FOXP1: variants seen among roughly 807,000 people sequenced by gnomAD.
FOXP1 encodes the protein forkhead box P1, also known as forkhead box protein P1.
A neutral mutation model predicts 98.2 loss-of-function variants in FOXP1; 15 were observed. The observed-to-expected ratio is 0.15, with a 90% confidence interval of 0.10 to 0.24. FOXP1 has a LOEUF of 0.24. Among genes scored for constraint, FOXP1 ranks in the 10% least tolerant of loss-of-function variants. The probability of loss-of-function intolerance (pLI) is 1.00; values close to 1 mark genes in which losing one functional copy is unlikely to be tolerated. For missense variants in FOXP1, 633 were observed against 848.5 expected, an observed-to-expected ratio of 0.75 and a Z score of 3.15; for synonymous variants, 371 against 314.5, an observed-to-expected ratio of 1.18 and a Z score of -1.90.
At chr3:71,048,749 C>A (rs1180770052) in intron 9 of FOXP1, among the ~76,000 whole-genome samples, 1 of 134,778 alleles carries the variant, frequency 7.4e-6, no homozygotes. Context: ...GAGAAAAAAA[C>A]AACATTGACA....
intron 11 of FOXP1, among the ~76,000 whole-genome samples, chr3:71,016,577 C>T (rs536630818): frequency 4.6e-5 from 7 of 151,772 alleles, no homozygotes; most frequent in African/African-American, 9.7e-5. Context: ...ATTCCCTTCC[C>T]GGGAAGGGCT....
chr3:70,970,902 GAGCAATTTCCCCCACT>G, intron 18 of FOXP1, 97 bp from the exon 19 acceptor site: 1 of 923,438 alleles, frequency 1.1e-6, no homozygotes. Flanking sequence ...CCTTCCAAAT[GAGCAATTTCCCCCACT>G]AGCAAAACCC....
intron 2 of FOXP1, among the ~76,000 whole-genome samples, chr3:71,506,589 G>A (rs528184860): frequency 4.6e-5 from 7 of 151,982 alleles, no homozygotes; most frequent in Admixed American, 1.3e-4. Context: ...ACTTAGGCTC[G>A]CTGCTAGCTC....
intron 4 of FOXP1, among the ~76,000 whole-genome samples, chr3:71,324,900 G>A (rs1180845095): frequency 6.6e-6 from 1 of 152,192 alleles, no homozygotes; most frequent in African/African-American, 2.4e-5. Flanking sequence ...GCCCAGAGGA[G>A]AAAGGCAAGC....
At position 71,396,984 on chromosome 3, in the gene FOXP1, G is replaced by GTGTA. The variant is rs1476663951; in HGVS notation, c.-167-37741_-167-37740insTACA. Among the ~76,000 whole-genome samples the GTGTA allele has an allele frequency of 8.5e-3, 174 of 20,574 alleles. 15 individuals are homozygous for GTGTA. The highest frequency in any genetic ancestry group is 0.013 in the Non-Finnish European group (107 of 7,998). 13.5% of individuals were successfully genotyped at this position (20,574 alleles called of 152,430 possible). A position where few individuals can be genotyped will look rare whatever the true frequency, so the allele number is the denominator to read the frequency against. On this transcript the variant is annotated intron_variant, in intron 3 of 20. Transcript: ENST00000649528. ...TATATGTGTGTATATATATATATGT[G>GTGTA]TATATATATACACATATATATGTGT...
At chr3:71,434,631 G>GTT (rs376887775) in intron 3 of FOXP1, among the ~76,000 whole-genome samples, 7 of 142,342 alleles carry the variant, frequency 4.9e-5, no homozygotes, top group African/African-American at 1.8e-4. Context: ...GAGGGGATGG[G>GTT]GTGTGTGTGT....
chr3:70,971,948 G>C, intron 18 of FOXP1: 1 of 1,291,364 alleles, frequency 7.7e-7, no homozygotes, highest in Non-Finnish European at 1.0e-6. Context: ...CATGGGATGA[G>C]TCAACCATGC....
chr3:71,494,751 G>T (rs1281316793), intron 2 of FOXP1, among the ~76,000 whole-genome samples: 1 of 152,064 alleles, frequency 6.6e-6, no homozygotes, highest in East Asian at 1.9e-4. Flanking sequence ...CTGAGATTCT[G>T]CATTTCTAGA....
At chr3:71,140,478 G>T (rs2060015424) in intron 6 of FOXP1, among the ~76,000 whole-genome samples, 1 of 152,218 alleles carries the variant, frequency 6.6e-6, no homozygotes, top group Admixed American at 6.5e-5. Flanking sequence ...CAAAAGCTCT[G>T]TTGTTAAGAT....
Position 70,961,405 on chromosome 3 carries a change from A to G in FOXP1, c.1890-2014T>C, listed in dbSNP as rs145891495. Among the ~76,000 whole-genome samples the G allele has an allele frequency of 1.4e-3, 208 of 151,450 alleles. 2 individuals carry two copies. Among genetic ancestry groups the G allele is most frequent in the East Asian group, 5.4e-3 (27 of 5,040 alleles). ...ACCACCACACCTGGCTAATTTTTGT[A>G]TTTTTAGTACAGATGAGGTTTCACC... is the stretch of plus-strand genomic sequence containing the variant. On this transcript the variant is annotated intron_variant, in intron 20 of 20. Coordinates refer to ENST00000649528, the MANE Select transcript of FOXP1 (RefSeq NM_001349338.3).
At chr3:71,202,596 A>G (rs1348967073) in intron 5 of FOXP1, among the ~76,000 whole-genome samples, 2 of 152,234 alleles carry the variant, frequency 1.3e-5, no homozygotes, top group Non-Finnish European at 2.9e-5. Flanking sequence ...TAAGAAAACT[A>G]AAGCTCAATC....
Position 71,175,618 on chromosome 3 carries a change from G to A in FOXP1, c.180+22584C>T, listed in dbSNP as rs868163335. ...ATCCAGAATGGTGACCAACTAAGAT[G>A]TTAGTGATTTCATGGTAAAGCAAGG... On this transcript the variant is annotated intron_variant, in intron 6 of 20. Transcript: ENST00000649528. Among the ~76,000 whole-genome samples, 6 of 152,162 alleles carry A rather than the reference G, an allele frequency of 3.9e-5. No individual in the cohort carries two copies. In the South Asian group the frequency reaches 1.2e-3, roughly 32 times the overall value.
chr3:71,414,561 A>C (rs1163057354), intron 3 of FOXP1, among the ~76,000 whole-genome samples: 1 of 152,232 alleles, frequency 6.6e-6, no homozygotes, highest in East Asian at 1.9e-4. Context: ...CCAATTATTA[A>C]AAGAAGGGAA....
chr3:70,967,057 T>A (rs1368688113), intron 19 of FOXP1, among the ~76,000 whole-genome samples: 1 of 152,192 alleles, frequency 6.6e-6, no homozygotes, highest in Non-Finnish European at 1.5e-5. Context: ...TAAACCAAGA[T>A]TTATCACAAC....
At chr3:71,159,705 GCTTTACTAATATTC>G (rs2108130339) in intron 6 of FOXP1, among the ~76,000 whole-genome samples, 1 of 152,140 alleles carries the variant, frequency 6.6e-6, no homozygotes, top group African/African-American at 2.4e-5. Flanking sequence ...ATGCAGGAAG[GCTTTACTAATATTC>G]CATTTCCTAC....
intron 12 of FOXP1, among the ~76,000 whole-genome samples, chr3:71,011,476 C>T (rs2043618057): frequency 6.6e-6 from 1 of 152,028 alleles, no homozygotes; most frequent in Admixed American, 6.6e-5. Flanking sequence ...CAGATGAAGA[C>T]AACATAGAAA....
intron 1 of FOXP1, chr3:71,582,132 C>A: frequency 1.0e-6 from 1 of 984,278 alleles, no homozygotes; most frequent in Non-Finnish European, 1.2e-6. Flanking sequence ...GGGCATGCGA[C>A]TTTGTTTCCG....
intron 6 of FOXP1, among the ~76,000 whole-genome samples, chr3:71,131,455 T>TTGCTCTTG (rs2059568204): frequency 6.6e-6 from 1 of 151,514 alleles, no homozygotes; most frequent in Admixed American, 6.6e-5. Context: ...TGAAAATGTA[T>TTGCTCTTG]TGCTCTTGTG....
chr3:71,079,497 GAC>G (rs141266643), intron 7 of FOXP1, among the ~76,000 whole-genome samples: 70 of 151,946 alleles, frequency 4.6e-4, no homozygotes, highest in African/African-American at 1.6e-3. Context: ...ATCCTCCCTC[GAC>G]ACAGACAATT....
Sources: gnomAD v4.1 joint callset for allele counts (sites outside exome capture counted in the v4.1 genomes callset) on GRCh38, gnomAD v4.1.1 for gene constraint, MANE v1.5 for transcripts, NCBI Gene and HGNC (gene_info 2026-07-23, HGNC 2026-07-21) for gene names.